Variants in MYO1H observed in about 807,000 individuals in gnomAD.
MYO1H encodes the protein myosin IH.
A neutral mutation model predicts 149.3 loss-of-function variants in MYO1H; 118 were observed. The observed-to-expected ratio is 0.79, with a 90% confidence interval of 0.68 to 0.92. The LOEUF (loss-of-function observed/expected upper bound fraction) is 0.92, where lower values mean the gene tolerates loss of function less well. Among genes scored for constraint, MYO1H ranks in the 40% least tolerant of loss-of-function variants. MYO1H has a pLI of 0.00. For missense variants in MYO1H, 1,212 were observed against 1,280.7 expected (o/e 0.95, Z 0.82); for synonymous variants, 447 against 465.2 (o/e 0.96, Z 0.50).
exon 29 of MYO1H, chr12:109,444,267 A>C (rs1014709809): frequency 6.2e-7 from 1 of 1,613,864 alleles, no homozygotes; most frequent in Non-Finnish European, 8.5e-7. Flanking sequence ...GTTTCACCAG[A>C]GGACAGCAAG....
chr12:109,447,064 C>A, intron 31 of MYO1H, 95 bp from the exon 32 acceptor site: 2 of 1,298,736 alleles, frequency 1.5e-6, no homozygotes, highest in African/African-American at 1.5e-5. Flanking sequence ...CCTCCACACC[C>A]ACCTTGCTAA....
intron 16 of MYO1H, among the ~76,000 whole-genome samples, chr12:109,424,011 C>T (rs1871269851): frequency 1.3e-5 from 2 of 152,226 alleles, no homozygotes; most frequent in South Asian, 4.1e-4. Context: ...CTGCTCTCAC[C>T]TTTGTATTGT....
At chr12:109,441,825 T>C in intron 26 of MYO1H, 117 bp downstream of exon 26, 3 of 655,446 alleles carry the variant, frequency 4.6e-6, no homozygotes, top group Admixed American at 3.1e-5. Context: ...GGTGGGCGGA[T>C]TGCCTGAGCT....
chr12:109,351,387 C>T (rs1868457217), intron 1 of MYO1H, among the ~76,000 whole-genome samples: 2 of 152,068 alleles, frequency 1.3e-5, no homozygotes, highest in Admixed American at 6.6e-5. Flanking sequence ...ATATCAAAAC[C>T]GTGGGGGGAA....
chr12:109,432,776 T>G, intron 19 of MYO1H, 121 bp from the exon 20 acceptor site: 1 of 753,212 alleles, frequency 1.3e-6, no homozygotes, highest in Non-Finnish European at 2.4e-6. Flanking sequence ...ATGGGACTAC[T>G]ACATACACTG....
exon 4 of MYO1H, chr12:109,396,550 G>C: frequency 6.2e-7 from 1 of 1,613,648 alleles, no homozygotes; most frequent in Non-Finnish European, 8.5e-7. Context: ...AATAGCCCGT[G>C]ACAGACTGCT....
At chr12:109,443,392 AC>A in intron 27 of MYO1H, 121 bp from the exon 28 acceptor site, 10 of 968,034 alleles carry the variant, frequency 1.0e-5, no homozygotes, top group Admixed American at 2.3e-5. Flanking sequence ...ACACACACAC[AC>A]ATACACGCAA....
At chr12:109,440,598 G>T in intron 24 of MYO1H, 146 bp from the exon 25 acceptor site, 1 of 643,714 alleles carries the variant, frequency 1.6e-6, no homozygotes. Context: ...CAGGTTAGCT[G>T]CTGTGACTAT....
intron 18 of MYO1H, among the ~76,000 whole-genome samples, chr12:109,426,353 G>A (rs753903274): frequency 2.6e-5 from 4 of 151,972 alleles, no homozygotes; most frequent in African/African-American, 4.8e-5. Context: ...GCATGGTGGC[G>A]TGTCTCTACT....
At chr12:109,348,884 G>T (rs1278497488) in intron 1 of MYO1H, among the ~76,000 whole-genome samples, 1 of 152,142 alleles carries the variant, frequency 6.6e-6, no homozygotes, top group Non-Finnish European at 1.5e-5. Flanking sequence ...GAAGCCTCAG[G>T]CACCATGAAG....
chr12:109,422,111 G>A (rs539997238), intron 16 of MYO1H, among the ~76,000 whole-genome samples: 4 of 152,234 alleles, frequency 2.6e-5, no homozygotes, highest in South Asian at 2.1e-4. Context: ...GAGCCACTGC[G>A]CCATGCCTAA....
At chr12:109,408,022 G>A (rs1317474993) in intron 10 of MYO1H, 109 bp downstream of exon 10, 2 of 1,360,886 alleles carry the variant, frequency 1.5e-6, no homozygotes, top group Non-Finnish European at 2.1e-6. Context: ...GCGCCTCATG[G>A]GCAGAGATGG....
At chr12:109,379,224 T>G (rs1869150407) in intron 1 of MYO1H, among the ~76,000 whole-genome samples, 1 of 152,234 alleles carries the variant, frequency 6.6e-6, no homozygotes, top group Non-Finnish European at 1.5e-5. Context: ...GAAGATTCTA[T>G]TTGACAGCAC....
intron 2 of MYO1H, 122 bp downstream of exon 2, chr12:109,388,966 C>T (rs73192510): frequency 0.044 from 55,726 of 1,263,146 alleles, 1,467 homozygotes; most frequent in Middle Eastern, 0.059. Context: ...GATACTGAGG[C>T]GCCACTCTTA....
chr12:109,420,527 T>C (rs1418952318), intron 15 of MYO1H, among the ~76,000 whole-genome samples: 1 of 150,128 alleles, frequency 6.7e-6, no homozygotes, highest in Non-Finnish European at 1.5e-5. Context: ...AGGAATAGAG[T>C]GAAGGGGGAA....
chr12:109,330,434 T>C, the MYO1H span, among the ~76,000 whole-genome samples: 10 of 152,210 alleles, frequency 6.6e-5, no homozygotes, highest in Non-Finnish European at 1.3e-4. Flanking sequence ...ATGTGCCTGA[T>C]GGACACATGT....
chr12:109,393,300 T>A (rs1447054787), intron 2 of MYO1H, 31 bp from the exon 3 acceptor site: 1 of 1,376,070 alleles, frequency 7.3e-7, no homozygotes, highest in Admixed American at 2.0e-5. Context: ...ACCCCAGAAT[T>A]CCTCACTTGT....
chr12:109,406,875 A>T lies in MYO1H; in HGVS notation c.1035+15A>T, dbSNP rs749300627. The T allele has an allele frequency of 3.4e-5, 55 of 1,612,268 alleles. No homozygotes were observed. The South Asian group carries it at 5.9e-4, about 17-fold the overall frequency. ...AAACTGAGGAGGTAAAAATGGCTAT[A>T]GGTGGAAATGTGCCAGCCCTCCCTG... On this transcript the variant is annotated intron_variant, in intron 9 of 31. Transcript: ENST00000310903.
chr12:109,388,411 C>T (rs1869478771), intron 1 of MYO1H, among the ~76,000 whole-genome samples: 1 of 152,052 alleles, frequency 6.6e-6, no homozygotes, highest in Non-Finnish European at 1.5e-5. Context: ...TTCATAGGGT[C>T]AGAATGAAGA....
Sources: gnomAD v4.1 joint callset for allele counts (sites outside exome capture counted in the v4.1 genomes callset) on GRCh38, gnomAD v4.1.1 for gene constraint, MANE v1.5 for transcripts, NCBI Gene and HGNC (gene_info 2026-07-23, HGNC 2026-07-21) for gene names.